The following LRMDA variants were observed in gnomAD, a reference collection of about 807,000 sequenced individuals.
The protein encoded by LRMDA is leucine-rich melanocyte differentiation-associated protein.
LRMDA carries 18 observed loss-of-function variants against 29.8 expected under a neutral mutation model. That is an observed-to-expected ratio of 0.60 (90% CI 0.42 to 0.90). LRMDA has a LOEUF of 0.90. Ranked by LOEUF, LRMDA falls within the 40% of genes least tolerant of loss-of-function variation. The probability of loss-of-function intolerance (pLI) is 0.00; values close to 1 mark genes in which losing one functional copy is unlikely to be tolerated. For synonymous variants in LRMDA, 125 were observed against 109.4 expected, an observed-to-expected ratio of 1.14 and a Z score of -0.89; for missense variants, 273 against 273.9, an observed-to-expected ratio of 1.00 and a Z score of 0.02.
chr10:75,487,946 C>T (rs1844935257), intron 2 of LRMDA, among the ~76,000 whole-genome samples: 1 of 152,168 alleles, frequency 6.6e-6, no homozygotes, highest in African/African-American at 2.4e-5. Flanking sequence ...GTTTGAACTG[C>T]AGGATTGTGC....
At chr10:76,469,190 G>A (rs566101952) in intron 6 of LRMDA, among the ~76,000 whole-genome samples, 1 of 152,250 alleles carries the variant, frequency 6.6e-6, no homozygotes, top group African/African-American at 2.4e-5. Context: ...CTCTATTACA[G>A]GTAGGTGTGG....
rs1307223275 is a variant in LRMDA, at chr10:75,508,304, T to C, written c.131+69810T>C. Among the ~76,000 whole-genome samples the C allele has an allele frequency of 3.9e-5, 6 of 152,330 alleles. No homozygotes were observed. In the East Asian group the frequency reaches 1.2e-3, roughly 29 times the overall value. ...CTTCCACCATTAGCAATCATTCTGT[T>C]GCACAGAGTACGTGATAAATCAACC... On this transcript the variant is annotated intron_variant, in intron 2 of 6. Transcript: ENST00000611255.
intron 2 of LRMDA, among the ~76,000 whole-genome samples, chr10:75,564,600 A>G (rs891870789): frequency 1.3e-5 from 2 of 152,216 alleles, no homozygotes; most frequent in African/African-American, 4.8e-5. Context: ...TCAGATGGAA[A>G]TGCAGAAATC....
At chr10:76,315,344 G>T (rs1840679440) in intron 5 of LRMDA, among the ~76,000 whole-genome samples, 1 of 152,226 alleles carries the variant, frequency 6.6e-6, no homozygotes. Context: ...TGCAGCTGCA[G>T]CTTCCCAGCC....
At chr10:76,030,310 A>G (rs1254162633) in intron 2 of LRMDA, among the ~76,000 whole-genome samples, 5 of 152,096 alleles carry the variant, frequency 3.3e-5, no homozygotes, top group Admixed American at 1.3e-4. Context: ...AAAAATACAC[A>G]CAGCCAACTC....
chr10:75,719,897 A>G lies in LRMDA; in HGVS notation c.131+281403A>G, dbSNP rs1244467846. Among the ~76,000 whole-genome samples, 3 of 152,138 alleles carry G rather than the reference A, an allele frequency of 2.0e-5. No homozygotes were observed. The East Asian group carries it at 5.8e-4, about 29-fold the overall frequency. ...AGATAATCTAAGAGTTTTGCAGGGG[A>G]TGTTCCCTGGATGTTTTAATGTTGG... is the stretch of plus-strand genomic sequence containing the variant. On this transcript the variant is annotated intron_variant, in intron 2 of 6. Coordinates refer to ENST00000611255, the MANE Select transcript of LRMDA (RefSeq NM_001305581.2).
At chr10:76,349,030 G>C (rs1378541379) in intron 6 of LRMDA, among the ~76,000 whole-genome samples, 9 of 152,156 alleles carry the variant, frequency 5.9e-5, no homozygotes, top group African/African-American at 2.2e-4. Context: ...ATGTGTGTAG[G>C]AGGGAAGAGC....
chr10:75,755,202 T>G (rs1348960054), intron 2 of LRMDA, among the ~76,000 whole-genome samples: 3 of 152,240 alleles, frequency 2.0e-5, no homozygotes. Context: ...CACATCACTT[T>G]ATTGTGCTCA....
chr10:76,162,736 C>T (rs551186585), intron 5 of LRMDA, among the ~76,000 whole-genome samples: 1 of 152,174 alleles, frequency 6.6e-6, no homozygotes, highest in Non-Finnish European at 1.5e-5. Flanking sequence ...GGCCCCACCT[C>T]TAATCCTGGG....
intron 6 of LRMDA, among the ~76,000 whole-genome samples, chr10:76,528,638 A>T (rs1409495904): frequency 6.6e-6 from 1 of 152,200 alleles, no homozygotes; most frequent in African/African-American, 2.4e-5. Context: ...AGTGATAATA[A>T]CAAAAAGAGT....
intron 2 of LRMDA, among the ~76,000 whole-genome samples, chr10:75,681,219 G>A (rs760953484): frequency 6.6e-6 from 1 of 152,164 alleles, no homozygotes; most frequent in Non-Finnish European, 1.5e-5. Flanking sequence ...AAGAAGAGAG[G>A]AGTTAAGACA....
chr10:76,379,931 A>C (rs921293912), intron 6 of LRMDA, among the ~76,000 whole-genome samples: 3 of 152,196 alleles, frequency 2.0e-5, no homozygotes, highest in Admixed American at 2.0e-4. Context: ...TTGTTTCAAA[A>C]AATTTTTTAA....
At chr10:76,238,686 A>G (rs879587440) in intron 5 of LRMDA, among the ~76,000 whole-genome samples, 3 of 152,084 alleles carry the variant, frequency 2.0e-5, no homozygotes, top group Non-Finnish European at 4.4e-5. Context: ...ATAATGTTCG[A>G]TGACAAACAC....
intron 5 of LRMDA, among the ~76,000 whole-genome samples, chr10:76,200,043 C>G (rs955034118): frequency 2.6e-5 from 4 of 152,176 alleles, no homozygotes; most frequent in Non-Finnish European, 5.9e-5. Flanking sequence ...CTTACTGCAG[C>G]CTTGACCTCC....
intron 6 of LRMDA, among the ~76,000 whole-genome samples, chr10:76,484,708 A>G (rs945180075): frequency 6.6e-6 from 1 of 151,958 alleles, no homozygotes; most frequent in Non-Finnish European, 1.5e-5. Context: ...ATAGACAATC[A>G]TGTCATACAC....
rs1376908653 is a variant in LRMDA at position 76,505,575 on chromosome 10, T to C, written c.602-51634T>C. 2.6e-5 allele frequency among the ~76,000 whole-genome samples: 4 copies of C among 152,302 alleles called. No individual in the cohort carries two copies. In the East Asian group the frequency reaches 7.7e-4, roughly 29 times the overall value. On this transcript the variant is annotated intron_variant, in intron 6 of 6. Coordinates refer to ENST00000611255, the MANE Select transcript of LRMDA (RefSeq NM_001305581.2). ...GCTGTTAATGCTTCTTATTGTATTA[T>C]GAAATTCTCATAGTGAATTTTTTCA...
chr10:76,437,350 A>G (rs1842255831), intron 6 of LRMDA: 1 of 152,240 alleles, frequency 6.6e-6, no homozygotes, highest in African/African-American at 2.4e-5. Context: ...CTGATGTCCA[A>G]AGAAATTTTC....
At chr10:76,287,792 T>C (rs1014055730) in intron 5 of LRMDA, among the ~76,000 whole-genome samples, 1 of 152,176 alleles carries the variant, frequency 6.6e-6, no homozygotes, top group Admixed American at 6.5e-5. Flanking sequence ...AACAAACAAG[T>C]CTCCTCTGGA....
At chr10:76,417,975 T>C (rs891533496) in intron 6 of LRMDA, among the ~76,000 whole-genome samples, 11 of 152,298 alleles carry the variant, frequency 7.2e-5, no homozygotes, top group African/African-American at 2.4e-4. Context: ...GAAGTTGTCT[T>C]GGACTCTCTA....
Sources: allele counts gnomAD v4.1 joint callset (sites outside exome capture counted in the v4.1 genomes callset), GRCh38; gene constraint gnomAD v4.1.1; transcripts MANE v1.5; gene names NCBI Gene and HGNC (gene_info 2026-07-23, HGNC 2026-07-21).